Variants in PKD2 observed in about 807,000 individuals in gnomAD.
PKD2 encodes polycystin-2.
In PKD2, 48 loss-of-function variants were observed where a neutral mutation model predicts 105.9. The observed-to-expected ratio is 0.45, with a 90% confidence interval of 0.36 to 0.58. The LOEUF (loss-of-function observed/expected upper bound fraction) is 0.58, where lower values mean the gene tolerates loss of function less well. PKD2 is among the 20% of genes least tolerant of loss of function. PKD2 has a pLI of 0.00. For synonymous variants in PKD2, 464 were observed against 481.1 expected (o/e 0.96, Z 0.46); for missense variants, 1,078 against 1,255.3 (o/e 0.86, Z 2.13).
In PKD2 at chr4:88,052,076, T is replaced by C. The variant is rs147630070; in HGVS notation, c.1634T>C (p.Phe545Ser). Residue 545 changes from phenylalanine to serine, a missense_variant, in exon 7 of 15, where the codon TTC becomes TCC. This residue lies in a region of PKD2 where 868 missense variants were observed against 1,067.3 expected (regional missense o/e 0.81). Transcript: ENST00000237596. ...LLQFLEDQNT[F>S]PNFEHLAYWQ... ...CAGTTTCTGGAAGATCAAAATACTT[T>C]CCCCAACTTTGAGCATCTGGCATAT... The C allele has an allele frequency of 4.4e-6, 7 of 1,603,968 alleles. No homozygotes were observed. The highest frequency in any genetic ancestry group is 6.0e-6 in the Non-Finnish European group (7 of 1,171,072).
In PKD2 at chr4:88,076,805, G is replaced by A. The variant is rs924294009; in HGVS notation, c.*1111G>A. 1.1e-4 allele frequency: 16 copies of A among 152,130 alleles called. No individual in the cohort carries two copies. The highest frequency in any genetic ancestry group is 3.4e-4 in the African/African-American group (14 of 41,404). The allele number at this position is 152,130 out of a possible 1,614,324, so 9.4% of individuals were successfully genotyped here. A position where few individuals can be genotyped will look rare whatever the true frequency, so the allele number is the denominator to read the frequency against. ...GTTCAAGACCAACATGGGCAATGTG[G>A]CGAAACTCCATCTCTACAAAAAATG... On this transcript the variant is annotated 3_prime_UTR_variant, in exon 15 of 15. Transcript: ENST00000237596.
intron 10 of PKD2, among the ~76,000 whole-genome samples, chr4:88,063,111 G>A (rs1720641218): frequency 6.6e-6 from 1 of 152,184 alleles, no homozygotes; most frequent in African/African-American, 2.4e-5. Flanking sequence ...CAGGCTCACT[G>A]GTCAGTCATG....
chr4:88,026,232 A>C (rs62310568), intron 2 of PKD2, among the ~76,000 whole-genome samples: 1 of 152,210 alleles, frequency 6.6e-6, no homozygotes, highest in Admixed American at 6.5e-5. Context: ...AGTGATATGG[A>C]CAATGAAGTC....
At chr4:88,064,073 T>C (rs945409197) in intron 10 of PKD2, among the ~76,000 whole-genome samples, 1 of 152,224 alleles carries the variant, frequency 6.6e-6, no homozygotes, top group African/African-American at 2.4e-5. Context: ...GAGAATTGCT[T>C]GAACCAGGGA....
At chr4:88,065,281 G>A (rs971984801) in intron 10 of PKD2, 93 bp from the exon 11 acceptor site, 9 of 1,094,632 alleles carry the variant, frequency 8.2e-6, no homozygotes, top group Non-Finnish European at 1.3e-5. Flanking sequence ...TGTACACCAG[G>A]TTTGTAGTAG....
At chr4:88,031,913 C>T (rs967798459) in intron 2 of PKD2, among the ~76,000 whole-genome samples, 7 of 152,284 alleles carry the variant, frequency 4.6e-5, no homozygotes, top group South Asian at 2.1e-4. Context: ...TGAGTATTCA[C>T]CTTATAATGT....
At chr4:88,069,395 A>G (rs954589742) in intron 13 of PKD2, among the ~76,000 whole-genome samples, 1 of 151,586 alleles carries the variant, frequency 6.6e-6, no homozygotes, top group African/African-American at 2.4e-5. Context: ...TTAAGTGAAT[A>G]TTTTCAAGTA....
In PKD2 at chr4:88,077,717, A is replaced by G. The variant is rs906563369; in HGVS notation, c.*2023A>G. 1 of 152,210 alleles carries G rather than the reference A, an allele frequency of 6.6e-6. No individual in the cohort carries two copies. Among genetic ancestry groups the G allele is most frequent in the East Asian group, 1.9e-4 (1 of 5,204 alleles). The allele number at this position is 152,210 out of a possible 1,614,324, so 9.4% of individuals were successfully genotyped here. A position where few individuals can be genotyped will look rare whatever the true frequency, so the allele number is the denominator to read the frequency against. On this transcript the variant is annotated 3_prime_UTR_variant, in exon 15 of 15. Transcript: ENST00000237596. ...ACGCAAGTCTTTCTCGACAATCAAGAATGTTATTAATGTGTAATACTGAGC... is the reference window on the plus strand; with the variant it reads ...ACGCAAGTCTTTCTCGACAATCAAGGATGTTATTAATGTGTAATACTGAGC...
intron 12 of PKD2, among the ~76,000 whole-genome samples, chr4:88,066,783 T>A (rs1720813443): frequency 1.3e-5 from 2 of 152,190 alleles, no homozygotes; most frequent in African/African-American, 4.8e-5. Flanking sequence ...CCATTAACTT[T>A]CAAAAATAAA....
At position 88,008,169 on chromosome 4, in the gene PKD2, G is replaced by A. The variant is rs1578111574; in HGVS notation, c.436G>A (p.Gly146Ser). The change falls in exon 1 of 15, where the codon GGC (glycine) becomes AGC (serine). Residue 146 changes from glycine (G) to serine (S), a missense_variant. Transcript: ENST00000237596. ...ARSRGLGGYH[G>S]AGHPSGRRRR... ...GAGCCGGGGGCTTGGGGGCTACCAC[G>A]GCGCGGGCCACCCGAGCGGGAGGCG... The A allele has an allele frequency of 2.1e-6, 3 of 1,414,416 alleles. No homozygotes were observed. The highest frequency in any genetic ancestry group is 1.5e-5 in the South Asian group (1 of 65,744). 87.6% of individuals were successfully genotyped at this position (1,414,416 alleles called of 1,614,324 possible).
rs769039127 is a variant in PKD2 at position 88,075,729 on chromosome 4, G to A, written c.*35G>A. 2.0e-5 allele frequency: 30 copies of A among 1,473,606 alleles called. No individual in the cohort carries two copies. In the Middle Eastern group the frequency reaches 7.2e-4, roughly 35 times the overall value. 91.3% of individuals were successfully genotyped at this position (1,473,606 alleles called of 1,614,324 possible). On this transcript the variant is annotated 3_prime_UTR_variant, in exon 15 of 15. Coordinates refer to ENST00000237596, the MANE Select transcript of PKD2 (RefSeq NM_000297.4). ...TTCAGTATGTGTGTTTCTAATAAGTGAGGAAGTGGCTGTCCTGAATTGCTG... is the reference window on the plus strand; with the variant it reads ...TTCAGTATGTGTGTTTCTAATAAGTAAGGAAGTGGCTGTCCTGAATTGCTG...
intron 10 of PKD2, among the ~76,000 whole-genome samples, chr4:88,063,334 C>G (rs1720652186): frequency 6.6e-6 from 1 of 152,136 alleles, no homozygotes; most frequent in African/African-American, 2.4e-5. Context: ...GAGTTCGAAA[C>G]CAGCCTGGCC....
chr4:88,020,934 C>T (rs1726726106), intron 2 of PKD2, among the ~76,000 whole-genome samples: 1 of 152,108 alleles, frequency 6.6e-6, no homozygotes, highest in Non-Finnish European at 1.5e-5. Context: ...TCAAGTGATC[C>T]TCCTGCCTTG....
intron 2 of PKD2, among the ~76,000 whole-genome samples, chr4:88,024,950 T>C (rs1726900170): frequency 6.6e-6 from 1 of 151,878 alleles, no homozygotes; most frequent in East Asian, 1.9e-4. Context: ...CCGGCCAAGA[T>C]GGTGAAACCC....
Position 88,075,899 on chromosome 4 carries a change from C to A in PKD2, c.*205C>A, listed in dbSNP as rs1721218701. ...TTTTTCTTTTTCTCATATAAGAAATCTAGGTGTAAATATTGAGTACAGAAA... is the reference window on the plus strand; with the variant it reads ...TTTTTCTTTTTCTCATATAAGAAATATAGGTGTAAATATTGAGTACAGAAA... On this transcript the variant is annotated 3_prime_UTR_variant, in exon 15 of 15. Coordinates refer to ENST00000237596, the MANE Select transcript of PKD2 (RefSeq NM_000297.4). The A allele has an allele frequency of 1.7e-6, 1 of 582,344 alleles. No individual in the cohort carries two copies. The highest frequency in any genetic ancestry group is 3.0e-6 in the Non-Finnish European group (1 of 329,350). 36.1% of individuals were successfully genotyped at this position (582,344 alleles called of 1,614,324 possible).
intron 12 of PKD2, 70 bp from the exon 13 acceptor site, chr4:88,067,828 C>T: frequency 7.1e-7 from 1 of 1,399,242 alleles, no homozygotes; most frequent in Non-Finnish European, 1.0e-6. Context: ...CCTGCTTGCC[C>T]AAGTCCTTGG....
chr4:88,045,887 A>G (rs929765330), intron 5 of PKD2, among the ~76,000 whole-genome samples: 1 of 152,226 alleles, frequency 6.6e-6, no homozygotes, highest in South Asian at 2.1e-4. Flanking sequence ...CTATCTTTAT[A>G]TATGTACAAA....
chr4:88,008,217 C>T lies in PKD2; in HGVS notation c.484C>T (p.Pro162Ser), dbSNP rs755280589. ...GRRRRREDQG[P>S]PCPSPVGGGD... is the part of the protein sequence containing the mutation. ...GCGGCGCCGGCGAGAGGACCAGGGCCCGCCGTGCCCCAGCCCAGTCGGCGG... is the reference window on the plus strand; with the variant it reads ...GCGGCGCCGGCGAGAGGACCAGGGCTCGCCGTGCCCCAGCCCAGTCGGCGG... The change falls in exon 1 of 15, where the codon CCG (proline) becomes TCG (serine). Residue 162 changes from proline (P) to serine (S), a missense_variant. Pro to Ser is a moderately conservative substitution (Grantham distance 74). Coordinates refer to ENST00000237596, the MANE Select transcript of PKD2 (RefSeq NM_000297.4). The T allele has an allele frequency of 2.9e-5, 41 of 1,400,832 alleles. No homozygotes were observed. The highest frequency in any genetic ancestry group is 3.7e-5 in the Non-Finnish European group (40 of 1,082,926). 86.8% of individuals were successfully genotyped at this position (1,400,832 alleles called of 1,614,324 possible).
chr4:88,070,125 TTTTG>T (rs1290394910), intron 13 of PKD2, among the ~76,000 whole-genome samples: 1 of 152,202 alleles, frequency 6.6e-6, no homozygotes, highest in Non-Finnish European at 1.5e-5. Flanking sequence ...TTCTTTCATT[TTTTG>T]TTTATCTGAG....
Sources: gnomAD v4.1 joint callset for allele counts (sites outside exome capture counted in the v4.1 genomes callset) on GRCh38, gnomAD v4.1.1 for gene constraint, gnomAD v4.1.1 regional missense constraint, MANE v1.5 for transcripts, NCBI Gene and HGNC (gene_info 2026-07-23, HGNC 2026-07-21) for gene names.